COL11A1: variants seen among roughly 807,000 people sequenced by gnomAD.
COL11A1 encodes the protein collagen alpha-1(XI) chain.
Under a neutral mutation model 265.2 loss-of-function variants are expected in COL11A1, and 74 were observed. That is an observed-to-expected ratio of 0.28 (90% CI 0.23 to 0.34). The LOEUF is 0.34. COL11A1 is among the 10% of genes least tolerant of loss of function. COL11A1 has a pLI of 1.00. For missense variants in COL11A1, 2,165 were observed against 2,263.6 expected (o/e 0.96, Z 0.88); for synonymous variants, 816 against 727.6 (o/e 1.12, Z -1.96).
rs1660977866 is a variant in COL11A1, at chr1:102,962,202, C to T, written c.3088G>A (p.Gly1030Arg). ...DGPAGLRGFP[G>R]ERGLPGAQGA... ...TGAGCTCCAGGAAGACCTCTTTCCC[C>T]TGGGAAACCACGTAATCCTGCTGGT... Residue 1030 changes from glycine (G) to arginine (R), a missense_variant, in exon 40 of 67, where the codon GGG (glycine) becomes AGG (arginine). Transcript: ENST00000370096. 6.2e-7 allele frequency: 1 copy of T among 1,613,618 alleles called. No homozygotes were observed. Among genetic ancestry groups the T allele is most frequent in the South Asian group, 1.1e-5 (1 of 91,074 alleles).
intron 63 of COL11A1, among the ~76,000 whole-genome samples, chr1:102,886,079 A>G (rs1308993480): frequency 6.6e-6 from 1 of 152,188 alleles, no homozygotes; most frequent in Non-Finnish European, 1.5e-5. Flanking sequence ...GGGGAGACAA[A>G]ATAGTTCAAC....
At position 103,018,802 on chromosome 1, in the gene COL11A1, T is replaced by A. The variant is rs758949544; in HGVS notation, c.1350+16A>T. ...TACTTTAAATAGACAAAAATAATCTTAAAACATTTACATACTGCAGGTCCT... is the reference window on the plus strand; with the variant it reads ...TACTTTAAATAGACAAAAATAATCTAAAAACATTTACATACTGCAGGTCCT... On this transcript the variant is annotated intron_variant, in intron 10 of 66. Transcript: ENST00000370096. 1.2e-6 allele frequency: 2 copies of A among 1,605,246 alleles called. No individual in the cohort carries two copies. The highest frequency in any genetic ancestry group is 1.7e-6 in the Non-Finnish European group (2 of 1,172,674).
intron 3 of COL11A1, among the ~76,000 whole-genome samples, chr1:103,075,272 C>T (rs1438644875): frequency 6.6e-6 from 1 of 152,114 alleles, no homozygotes; most frequent in Non-Finnish European, 1.5e-5. Context: ...AGCAAGTCAA[C>T]GTCCTAATTG....
intron 25 of COL11A1, among the ~76,000 whole-genome samples, chr1:102,997,511 G>T (rs1315612256): frequency 6.6e-6 from 1 of 151,760 alleles, no homozygotes; most frequent in African/African-American, 2.4e-5. Flanking sequence ...CCTTCAAAGG[G>T]GCACTAAGAC....
chr1:102,914,438 A>C, intron 51 of COL11A1, 33 bp from the exon 52 acceptor site: 1 of 1,558,562 alleles, frequency 6.4e-7, no homozygotes, highest in Non-Finnish European at 8.8e-7. Context: ...AAAGAAATAA[A>C]TGAAAAATAA....
intron 4 of COL11A1, among the ~76,000 whole-genome samples, chr1:103,044,430 T>C (rs931892199): frequency 1.3e-5 from 2 of 152,120 alleles, no homozygotes; most frequent in African/African-American, 4.8e-5. Context: ...CAGTGTCTTA[T>C]ATTACTTGAA....
At chr1:102,898,338 T>A (rs1652711933) in intron 56 of COL11A1, among the ~76,000 whole-genome samples, 160 bp from the exon 57 acceptor site, 1 of 151,792 alleles carries the variant, frequency 6.6e-6, no homozygotes, top group Admixed American at 6.6e-5. Context: ...TAATTTTGTG[T>A]CTTTAATATG....
chr1:102,999,058 C>A (rs1224843711), intron 24 of COL11A1, among the ~76,000 whole-genome samples: 1 of 151,808 alleles, frequency 6.6e-6, no homozygotes, highest in Non-Finnish European at 1.5e-5. Context: ...AGACATTCTT[C>A]TAAGAATATT....
intron 46 of COL11A1, among the ~76,000 whole-genome samples, chr1:102,929,010 G>A (rs1051990839): frequency 1.5e-5 from 2 of 134,048 alleles, no homozygotes; most frequent in South Asian, 5.5e-4. Context: ...CAGATGAGTA[G>A]GTTGTGAAAA....
At chr1:103,052,871 C>T (rs770103406) in intron 4 of COL11A1, among the ~76,000 whole-genome samples, 4 of 152,194 alleles carry the variant, frequency 2.6e-5, no homozygotes, top group East Asian at 1.9e-4. Context: ...TCAAGAAATA[C>T]GTAGTCCAAT....
chr1:103,018,985 A>G, intron 9 of COL11A1, 126 bp from the exon 10 acceptor site: 1 of 709,768 alleles, frequency 1.4e-6, no homozygotes, highest in Non-Finnish European at 2.4e-6. Context: ...TACCACTTAA[A>G]TTAATTACAA....
chr1:103,027,391 A>T (rs746363527), intron 5 of COL11A1, among the ~76,000 whole-genome samples: 104 of 130,984 alleles, frequency 7.9e-4, no homozygotes, highest in Middle Eastern at 4.1e-3. Context: ...ACAAGTTAAA[A>T]CTCTAATATA....
rs758668137 is a variant in COL11A1 at position 103,031,184 on chromosome 1, G to A, written c.712C>T (p.His238Tyr). 20 of 1,611,428 alleles carry A rather than the reference G, an allele frequency of 1.2e-5. No homozygotes were observed. Among genetic ancestry groups the A allele is most frequent in the South Asian group, 2.2e-5 (2 of 91,040 alleles). Residue 238 changes from histidine to tyrosine, a missense_variant, in exon 5 of 67, where the codon CAT becomes TAT. By Grantham distance (83) the His-to-Tyr change is moderately conservative. Coordinates refer to ENST00000370096, the MANE Select transcript of COL11A1 (RefSeq NM_001854.4). ...DPKAAYDYCEHYSPDCDSSAP... is the reference protein window; with the variant it reads ...DPKAAYDYCEYYSPDCDSSAP... The stretch of plus-strand genomic sequence containing the variant: ...GAAGAGTCACAGTCTGGACTATAAT[G>A]CTCACAGTAGTCATATGCTGCCTTG...
intron 6 of COL11A1, 118 bp from the exon 7 acceptor site, chr1:103,025,731 G>GACCCA: frequency 6.3e-7 from 1 of 1,589,858 alleles, no homozygotes; most frequent in Non-Finnish European, 8.6e-7. Flanking sequence ...GTTGGGTTAA[G>GACCCA]ACTATGATTC....
rs1264018512 is a variant in COL11A1, at chr1:102,957,582, G to C, written c.3168+4284C>G. Among the ~76,000 whole-genome samples, 3 of 151,992 alleles carry C rather than the reference G, an allele frequency of 2.0e-5. No individual in the cohort carries two copies. The East Asian group carries it at 5.8e-4, about 29-fold the overall frequency. On this transcript the variant is annotated intron_variant, in intron 41 of 66. Transcript: ENST00000370096. Reference sequence around the variant, plus strand: ...CATTAAAAAATCAACCTGTATATTAGTTTAATCAGTTTCATCTTCGATTCA... The same window carrying C: ...CATTAAAAAATCAACCTGTATATTACTTTAATCAGTTTCATCTTCGATTCA...
At chr1:102,951,593 G>A (rs1204515008) in intron 41 of COL11A1, among the ~76,000 whole-genome samples, 2 of 151,884 alleles carry the variant, frequency 1.3e-5, no homozygotes, top group South Asian at 2.1e-4. Context: ...AAAATTAGCC[G>A]GGTGTGGTGG....
In COL11A1 at chr1:102,989,464, A is replaced by T. The variant is rs556346264; in HGVS notation, c.2394+54T>A. 2.3e-4 allele frequency: 242 copies of T among 1,073,926 alleles called. 3 individuals carry two copies. The South Asian group carries it at 3.7e-3, about 16-fold the overall frequency. 66.5% of individuals were successfully genotyped at this position (1,073,926 alleles called of 1,614,324 possible). On this transcript the variant is annotated intron_variant, in intron 29 of 66. Transcript: ENST00000370096. ...ATATTTAAAGATAAGCAAAGGAAAA[A>T]ATATATATATATATTAAATTTTGTG... is the stretch of plus-strand genomic sequence containing the variant.
At chr1:103,016,180 T>C (rs1478820087) in intron 11 of COL11A1, among the ~76,000 whole-genome samples, 1 of 152,054 alleles carries the variant, frequency 6.6e-6, no homozygotes, top group African/African-American at 2.4e-5. Context: ...ACATAAATAG[T>C]ATTTATTTTG....
chr1:102,924,442 C>T (rs138791595), intron 46 of COL11A1, among the ~76,000 whole-genome samples: 2 of 152,244 alleles, frequency 1.3e-5, no homozygotes, highest in East Asian at 1.9e-4. Flanking sequence ...TCTTTCATGT[C>T]ACAACAATAC....
Sources: allele counts gnomAD v4.1 joint callset (sites outside exome capture counted in the v4.1 genomes callset), GRCh38; gene constraint gnomAD v4.1.1; transcripts MANE v1.5; gene names NCBI Gene and HGNC (gene_info 2026-07-23, HGNC 2026-07-21).